Variants in NDC80 observed in about 807,000 individuals in gnomAD.
NDC80 encodes kinetochore protein NDC80 homolog.
A neutral mutation model predicts 89.3 loss-of-function variants in NDC80; 69 were observed. The ratio of observed to expected loss-of-function variants is 0.77; its 90% CI spans 0.64 to 0.94. The LOEUF (loss-of-function observed/expected upper bound fraction) is 0.94. Ranked by LOEUF, NDC80 falls within the 40% of genes least tolerant of loss-of-function variation. NDC80 has a pLI of 0.00. For synonymous variants in NDC80, 243 were observed against 255.6 expected, an observed-to-expected ratio of 0.95 and a Z score of 0.47; for missense variants, 593 against 739.6, an observed-to-expected ratio of 0.80 and a Z score of 2.30.
intron 13 of NDC80, among the ~76,000 whole-genome samples, chr18:2,601,912 A>G (rs563581011): frequency 5.5e-4 from 83 of 152,196 alleles, no homozygotes; most frequent in Non-Finnish European, 7.6e-4. Flanking sequence ...AGGAGAACTC[A>G]AATTCCTTTC....
intron 6 of NDC80, among the ~76,000 whole-genome samples, chr18:2,580,326 TTC>T (rs958042778): frequency 4.6e-5 from 7 of 152,018 alleles, no homozygotes; most frequent in African/African-American, 1.2e-4. Flanking sequence ...AGCAATTTTT[TTC>T]TCTCTCTCTT....
At chr18:2,595,372 A>C (rs1340777866) in intron 10 of NDC80, 44 bp from the exon 11 acceptor site, 1 of 1,440,104 alleles carries the variant, frequency 6.9e-7, no homozygotes, top group Non-Finnish European at 9.7e-7. Flanking sequence ...GTTTCTTTGT[A>C]GGAATTGAAG....
Position 2,606,859 on chromosome 18 carries a change from A to G in NDC80, c.1557+352A>G, listed in dbSNP as rs76167197. 7.2e-5 allele frequency among the ~76,000 whole-genome samples: 11 copies of G among 152,218 alleles called. No homozygotes were observed. In the South Asian group the frequency reaches 1.0e-3, roughly 14 times the overall value. ...ATGTACTGCTAAAGCCTGAACCCCA[A>G]TAAGGTCTTTTGAATATGTAGTTGC... On this transcript the variant is annotated intron_variant, in intron 14 of 16. Transcript: ENST00000261597.
intron 10 of NDC80, among the ~76,000 whole-genome samples, chr18:2,592,963 A>G (rs2072634614): frequency 6.7e-6 from 1 of 149,608 alleles, no homozygotes; most frequent in Non-Finnish European, 1.5e-5. Flanking sequence ...AAACCTGACC[A>G]GTTTGGTATG....
At position 2,573,023 on chromosome 18, in the gene NDC80, G is replaced by T. The variant is rs368528456; in HGVS notation, c.38G>T (p.Arg13Leu). 214 of 1,613,844 alleles carry T rather than the reference G, an allele frequency of 1.3e-4. No individual in the cohort carries two copies. The highest frequency in any genetic ancestry group is 1.8e-4 in the Non-Finnish European group (210 of 1,179,958). ...TCAGTTTCCAGCGGTGGTGCTGGCC[G>T]CCTCTCCATGCAGGAGTTAAGATCC... Reference protein sequence around the residue: ...RSSVSSGGAGRLSMQELRSQD... With the variant: ...RSSVSSGGAGLLSMQELRSQD... Residue 13 changes from arginine (R) to leucine (L), a missense_variant, in exon 2 of 17, where the codon CGC (arginine) becomes CTC (leucine). Transcript: ENST00000261597.
chr18:2,579,771 A>G (rs2072566803), intron 6 of NDC80, among the ~76,000 whole-genome samples: 1 of 152,174 alleles, frequency 6.6e-6, no homozygotes, highest in South Asian at 2.1e-4. Flanking sequence ...GCAAAGTACT[A>G]TATGTATGTT....
At chr18:2,573,182 T>A in intron 2 of NDC80, 96 bp downstream of exon 2, 1 of 979,462 alleles carries the variant, frequency 1.0e-6, no homozygotes, top group Non-Finnish European at 1.5e-6. Flanking sequence ...ATATGAGTGA[T>A]GTCTTGGTGA....
chr18:2,588,888 A>T (rs368004757), intron 8 of NDC80, among the ~76,000 whole-genome samples: 5 of 152,202 alleles, frequency 3.3e-5, no homozygotes, highest in Non-Finnish European at 7.3e-5. Context: ...CTGAGGATAC[A>T]GTAATGAATA....
At chr18:2,577,661 T>G in intron 3 of NDC80, 85 bp from the exon 4 acceptor site, 1 of 1,490,616 alleles carries the variant, frequency 6.7e-7, no homozygotes, top group Non-Finnish European at 9.2e-7. Flanking sequence ...ATGTTGATGT[T>G]AAAATGCAAA....
At chr18:2,593,056 C>CTT (rs764064487) in intron 10 of NDC80, among the ~76,000 whole-genome samples, 8,834 of 64,706 alleles carry the variant, frequency 0.14, 796 homozygotes, top group Non-Finnish European at 0.2. Context: ...GTGTGTGTGT[C>CTT]TTTTTTTTTT....
intron 6 of NDC80, among the ~76,000 whole-genome samples, chr18:2,581,613 C>T (rs2143636976): frequency 6.6e-6 from 1 of 152,336 alleles, no homozygotes; most frequent in Admixed American, 6.5e-5. Flanking sequence ...GAGCCGATAT[C>T]ACACCACTGC....
At chr18:2,601,675 T>G (rs2072684806) in intron 13 of NDC80, among the ~76,000 whole-genome samples, 190 bp downstream of exon 13, 1 of 152,162 alleles carries the variant, frequency 6.6e-6, no homozygotes, top group East Asian at 1.9e-4. Flanking sequence ...CATCCTAGCC[T>G]TCACACATCA....
chr18:2,614,453 A>AGAGAGAGAGAGAG (rs1194290545), intron 16 of NDC80: 1 of 5,908 alleles, frequency 1.7e-4, no homozygotes, highest in African/African-American at 8.0e-4. Flanking sequence ...GAAAGAAAGA[A>AGAGAGAGAGAGAG]AGAAAGAAAG....
At chr18:2,578,795 A>G (rs1049042945) in intron 5 of NDC80, 132 bp from the exon 6 acceptor site, 7 of 440,112 alleles carry the variant, frequency 1.6e-5, no homozygotes, top group Admixed American at 8.6e-5. Context: ...GAATCCTAAC[A>G]TATCTTACCT....
chr18:2,597,729 TAA>T (rs11390329), intron 11 of NDC80, among the ~76,000 whole-genome samples: 22 of 147,912 alleles, frequency 1.5e-4, no homozygotes, highest in Admixed American at 4.0e-4. Context: ...AAACTCTGTC[TAA>T]AAAAAAAAAA....
intron 13 of NDC80, 28 bp from the exon 14 acceptor site, chr18:2,606,387 T>C (rs1454957587): frequency 6.7e-6 from 10 of 1,501,464 alleles, no homozygotes; most frequent in Non-Finnish European, 9.1e-6. Context: ...ATAGTTATGA[T>C]TTCTCAACCA....
chr18:2,595,452 G>T lies in NDC80; in HGVS notation c.1052G>T (p.Arg351Leu). The T allele has an allele frequency of 6.2e-7, 1 of 1,613,602 alleles. No homozygotes were observed. Among genetic ancestry groups the T allele is most frequent in the South Asian group, 1.1e-5 (1 of 91,000 alleles). ...GAAACAATAAAACAGGAGAACACTCGACTACAGAATATCATTGACAACCAG... is the reference window on the plus strand; with the variant it reads ...GAAACAATAAAACAGGAGAACACTCTACTACAGAATATCATTGACAACCAG... ...ECETIKQENT[R>L]LQNIIDNQKY... is the part of the protein sequence containing the mutation. The change falls in exon 11 of 17, where the codon CGA (arginine) becomes CTA (leucine). Residue 351 changes from arginine to leucine, a missense_variant. Arg to Leu is a moderately radical substitution (Grantham distance 102). Transcript: ENST00000261597.
At chr18:2,593,394 A>G (rs746592698) in intron 10 of NDC80, among the ~76,000 whole-genome samples, 2 of 152,208 alleles carry the variant, frequency 1.3e-5, no homozygotes, top group Non-Finnish European at 2.9e-5. Context: ...TTCTTAAACA[A>G]TGTTACCAAA....
intron 16 of NDC80, chr18:2,615,453 C>A (rs2072779865): frequency 6.6e-6 from 1 of 152,578 alleles, no homozygotes. Flanking sequence ...CCTCTCTGCC[C>A]TCTGCTGCTG....
Sources: allele counts gnomAD v4.1 joint callset (sites outside exome capture counted in the v4.1 genomes callset), GRCh38; gene constraint gnomAD v4.1.1; transcripts MANE v1.5; gene names NCBI Gene and HGNC (gene_info 2026-07-23, HGNC 2026-07-21).